Variants in ANKRD45 observed in about 807,000 individuals in gnomAD.
ANKRD45 encodes ankyrin repeat domain-containing protein 45.
In ANKRD45, 21 loss-of-function variants were observed where a neutral mutation model predicts 28.1. The ratio of observed to expected loss-of-function variants is 0.75; its 90% CI spans 0.53 to 1.08. ANKRD45 has a LOEUF of 1.08. Ranked by LOEUF, ANKRD45 falls within the 50% of genes least tolerant of loss-of-function variation. The pLI is 0.00. For missense variants in ANKRD45, 261 were observed against 308.7 expected (o/e 0.85, Z 1.16); for synonymous variants, 86 against 103.9 (o/e 0.83, Z 1.05).
intron 5 of ANKRD45, among the ~76,000 whole-genome samples, chr1:173,612,161 T>C (rs1051807104): frequency 6.6e-6 from 1 of 151,912 alleles, no homozygotes; most frequent in Non-Finnish European, 1.5e-5. Flanking sequence ...GGAGGATTGC[T>C]TGGGCCCAGG....
chr1:173,673,712 T>C (rs946318912), upstream of ANKRD45, among the ~76,000 whole-genome samples: 1 of 152,176 alleles, frequency 6.6e-6, no homozygotes, highest in Admixed American at 6.5e-5. Flanking sequence ...CCAGGATTTG[T>C]ACCTAGGTCA....
chr1:173,638,380 A>G (rs1184533029), intron 3 of ANKRD45, among the ~76,000 whole-genome samples: 3 of 152,128 alleles, frequency 2.0e-5, no homozygotes, highest in Non-Finnish European at 4.4e-5. Flanking sequence ...GGGCCTATCT[A>G]GGATCCAACA....
chr1:173,648,948 T>G (rs1669055270), intron 2 of ANKRD45, among the ~76,000 whole-genome samples: 1 of 152,192 alleles, frequency 6.6e-6, no homozygotes, highest in Admixed American at 6.5e-5. Context: ...AAGCTGGGGT[T>G]TTAACTCAGG....
At chr1:173,645,162 G>A (rs1178572550) in intron 3 of ANKRD45, among the ~76,000 whole-genome samples, 1 of 152,102 alleles carries the variant, frequency 6.6e-6, no homozygotes, top group Non-Finnish European at 1.5e-5. Flanking sequence ...TAGTTCAAGT[G>A]GACAGTTAAT....
At chr1:173,628,233 T>C (rs548483933) in intron 3 of ANKRD45, among the ~76,000 whole-genome samples, 1 of 150,860 alleles carries the variant, frequency 6.6e-6, no homozygotes, top group Admixed American at 6.6e-5. Flanking sequence ...AGAGACACCT[T>C]CTGCTTGACG....
intron 1 of ANKRD45, among the ~76,000 whole-genome samples, chr1:173,668,408 C>G (rs900146835): frequency 6.6e-6 from 1 of 152,148 alleles, no homozygotes; most frequent in Non-Finnish European, 1.5e-5. Flanking sequence ...CAGGAGATAC[C>G]TGTTCACAAG....
At chr1:173,695,989 C>G in the ANKRD45 span, among the ~76,000 whole-genome samples, 1 of 152,160 alleles carries the variant, frequency 6.6e-6, no homozygotes, top group Admixed American at 6.6e-5. Flanking sequence ...TTTAATTTCA[C>G]CCTGGTACTC....
intron 3 of ANKRD45, chr1:173,635,795 G>A: frequency 1.3e-6 from 2 of 1,535,342 alleles, no homozygotes; most frequent in Non-Finnish European, 1.7e-6. Context: ...CGTCTTATTT[G>A]TTTTGTCTGT....
chr1:173,625,038 TG>T (rs1166852209), intron 4 of ANKRD45, 113 bp from the exon 5 acceptor site: 2 of 1,114,376 alleles, frequency 1.8e-6, no homozygotes, highest in Non-Finnish European at 2.5e-6. Context: ...AGAAATATTC[TG>T]TACCTGCATT....
chr1:173,655,029 C>T (rs111385373), intron 2 of ANKRD45, among the ~76,000 whole-genome samples: 9 of 152,250 alleles, frequency 5.9e-5, no homozygotes, highest in African/African-American at 2.2e-4. Flanking sequence ...AGCTTCCTTG[C>T]GATGGGTTCA....
chr1:173,631,532 C>T (rs552520790), intron 3 of ANKRD45, among the ~76,000 whole-genome samples: 17 of 152,056 alleles, frequency 1.1e-4, no homozygotes, highest in Non-Finnish European at 2.1e-4. Context: ...CTGCACAATG[C>T]ACATTTTTCT....
chr1:173,683,524 G>C, the ANKRD45 span, among the ~76,000 whole-genome samples: 1 of 152,086 alleles, frequency 6.6e-6, no homozygotes, highest in African/African-American at 2.4e-5. Flanking sequence ...TTCTCTGGAG[G>C]GGGTGTTTCC....
rs975509673 is a variant in ANKRD45 at position 173,639,510 on chromosome 1, A to G, written c.496+7336T>C. Among the ~76,000 whole-genome samples, 6 of 152,332 alleles carry G rather than the reference A, an allele frequency of 3.9e-5. No individual in the cohort carries two copies. In the East Asian group the frequency reaches 1.2e-3, roughly 29 times the overall value. The stretch of plus-strand genomic sequence containing the variant: ...GAAGGAAAATGGATACTACCAGATC[A>G]AAGGGAGATGTTATCCAAACCTCTC... On this transcript the variant is annotated intron_variant, in intron 3 of 5. Transcript: ENST00000333279.
chr1:173,674,644 G>A (rs1903410), upstream of ANKRD45, among the ~76,000 whole-genome samples: 23,742 of 151,898 alleles, frequency 0.16, 6,182 homozygotes, highest in African/African-American at 0.54. Context: ...AGAAGTAGGG[G>A]GTGCTTCCAG....
chr1:173,687,049 C>T, the ANKRD45 span, among the ~76,000 whole-genome samples: 15 of 152,132 alleles, frequency 9.9e-5, no homozygotes, highest in Admixed American at 2.0e-4. Flanking sequence ...TAACTTTAGC[C>T]AATATGTTTA....
At chr1:173,621,697 A>G (rs1227037480) in intron 5 of ANKRD45, among the ~76,000 whole-genome samples, 1 of 152,190 alleles carries the variant, frequency 6.6e-6, no homozygotes, top group Non-Finnish European at 1.5e-5. Context: ...CACAGCCAAT[A>G]TCATAATGAA....
the ANKRD45 span, among the ~76,000 whole-genome samples, chr1:173,704,642 C>A: frequency 6.6e-6 from 1 of 152,142 alleles, no homozygotes; most frequent in East Asian, 1.9e-4. Flanking sequence ...TTCAGTTGTG[C>A]CAAGGACTGT....
the ANKRD45 span, among the ~76,000 whole-genome samples, chr1:173,679,522 C>A: frequency 6.6e-6 from 1 of 152,184 alleles, no homozygotes; most frequent in African/African-American, 2.4e-5. Flanking sequence ...GGATCCCTTC[C>A]TTACACCTTA....
In ANKRD45 at chr1:173,617,416, T is replaced by G. The variant is rs138608462; in HGVS notation, c.731-7201A>C. Among the ~76,000 whole-genome samples, 242 of 152,326 alleles carry G rather than the reference T, an allele frequency of 1.6e-3. 5 individuals are homozygous for G. The East Asian group carries it at 0.037, about 23-fold the overall frequency. On this transcript the variant is annotated intron_variant, in intron 5 of 5. Coordinates refer to ENST00000333279, the MANE Select transcript of ANKRD45 (RefSeq NM_198493.3). ...GCAGGTGCCATCCATTTCTGCAGTT[T>G]GTTCAACTCAGCCCTTCTAGCCTTC...
Sources: allele counts gnomAD v4.1 joint callset (sites outside exome capture counted in the v4.1 genomes callset), GRCh38; gene constraint gnomAD v4.1.1; transcripts MANE v1.5; gene names NCBI Gene and HGNC (gene_info 2026-07-23, HGNC 2026-07-21).